The following CYP1B1 variants were observed in gnomAD, a reference collection of about 807,000 sequenced individuals.
CYP1B1 encodes cytochrome P450 family 1 subfamily B member 1, also known as cytochrome P450 1B1.
In CYP1B1, 22 loss-of-function variants were observed where a neutral mutation model predicts 29.9. The observed-to-expected ratio is 0.74, with a 90% confidence interval of 0.53 to 1.05. CYP1B1 has a LOEUF of 1.05. Ranked by LOEUF, CYP1B1 falls within the 50% of genes least tolerant of loss-of-function variation. The pLI is 0.00. For synonymous variants in CYP1B1, 375 were observed against 320.0 expected (o/e 1.17, Z -1.83); for missense variants, 883 against 746.9 (o/e 1.18, Z -2.12).
Position 38,075,539 on chromosome 2 carries a change from C to T in CYP1B1, c.-1-150G>A, listed in dbSNP as rs550478226. The T allele has an allele frequency of 8.0e-6, 6 of 753,344 alleles. No homozygotes were observed. In the Admixed American group the frequency reaches 1.3e-4, roughly 16 times the overall value. The allele number at this position is 753,344 out of a possible 1,614,324, so 46.7% of individuals were successfully genotyped here. On this transcript the variant is annotated intron_variant, in intron 1 of 2. Transcript: ENST00000610745. ...GGAGAAATGGCCGAAGACGCCCCTT[C>T]CCATCCCCAACCCACTCTCCCTTGG...
chr2:38,074,596 T>C lies in CYP1B1; in HGVS notation c.793A>G (p.Asn265Asp), dbSNP rs1301192085. Residue 265 changes from asparagine (N) to aspartate (D), a missense_variant, in exon 2 of 3, where the codon AAC becomes GAC. Asn to Asp is a conservative substitution (Grantham distance 23). Coordinates refer to ENST00000610745, the MANE Select transcript of CYP1B1 (RefSeq NM_000104.4). ...RTVFREFEQLNRNFSNFILDK... is the reference protein window; with the variant it reads ...RTVFREFEQLDRNFSNFILDK... ...AGGATGAAGTTGCTGAAGTTGCGGTTGAGCTGCTCGAATTCGCGGAAAACG... is the reference window on the plus strand; with the variant it reads ...AGGATGAAGTTGCTGAAGTTGCGGTCGAGCTGCTCGAATTCGCGGAAAACG... 9.9e-6 allele frequency: 16 copies of C among 1,613,046 alleles called. No individual in the cohort carries two copies. The highest frequency in any genetic ancestry group is 1.3e-5 in the African/African-American group (1 of 74,948).
Position 38,070,594 on chromosome 2 carries a change from G to C in CYP1B1, c.*128C>G. On this transcript the variant is annotated 3_prime_UTR_variant, in exon 3 of 3. Coordinates refer to ENST00000610745, the MANE Select transcript of CYP1B1 (RefSeq NM_000104.4). ...TGGAGCACACCTCACCTGATGGACA[G>C]TTGATTTATGCTCACCTTAAACGCT... The C allele has an allele frequency of 7.0e-6, 6 of 855,566 alleles. No homozygotes were observed. The Admixed American group carries it at 1.2e-4, about 17-fold the overall frequency. The allele number at this position is 855,566 out of a possible 1,614,324, so 53.0% of individuals were successfully genotyped here.
intron 1 of CYP1B1, 172 bp from the exon 2 acceptor site, chr2:38,075,561 T>C (rs1478061405): frequency 1.5e-5 from 10 of 665,480 alleles, no homozygotes; most frequent in Admixed American, 5.0e-5. Context: ...CCACTCTCCC[T>C]TGGAGAAGAG....
Position 38,070,445 on chromosome 2 carries a change from A to G in CYP1B1, c.*277T>C. On this transcript the variant is annotated 3_prime_UTR_variant, in exon 3 of 3. Coordinates refer to ENST00000610745, the MANE Select transcript of CYP1B1 (RefSeq NM_000104.4). Reference sequence around the variant, plus strand: ...GTGCATTTTAACTCCAAAGAATGCTACCTTCAGAAATAACCAAGATGCAGT... The same window carrying G: ...GTGCATTTTAACTCCAAAGAATGCTGCCTTCAGAAATAACCAAGATGCAGT... The G allele has an allele frequency of 4.1e-6, 2 of 485,104 alleles. No individual in the cohort carries two copies. Among genetic ancestry groups the G allele is most frequent in the Non-Finnish European group, 7.5e-6 (2 of 267,954 alleles). The allele number at this position is 485,104 out of a possible 1,614,324, so 30.0% of individuals were successfully genotyped here. A position where few individuals can be genotyped will look rare whatever the true frequency, so the allele number is the denominator to read the frequency against.
At chr2:38,074,223 G>A in intron 2 of CYP1B1, 123 bp downstream of exon 2, 1 of 1,089,404 alleles carries the variant, frequency 9.2e-7, no homozygotes, top group Non-Finnish European at 1.3e-6. Flanking sequence ...TTGGTTTTGA[G>A]GGGTGGGGAC....
rs117346328 is a variant in CYP1B1 at position 38,070,616 on chromosome 2, C to T, written c.*106G>A. On this transcript the variant is annotated 3_prime_UTR_variant, in exon 3 of 3. Transcript: ENST00000610745. ...ACAGTTGATTTATGCTCACCTTAAACGCTAATTGAGAAGCAGCACAAAAGA... is the reference window on the plus strand; with the variant it reads ...ACAGTTGATTTATGCTCACCTTAAATGCTAATTGAGAAGCAGCACAAAAGA... 6.0e-5 allele frequency: 60 copies of T among 1,003,324 alleles called. No homozygotes were observed. The highest frequency in any genetic ancestry group is 5.0e-4 in the East Asian group (20 of 40,206). The allele number at this position is 1,003,324 out of a possible 1,614,324, so 62.2% of individuals were successfully genotyped here.
intron 1 of CYP1B1, 156 bp from the exon 2 acceptor site, chr2:38,075,545 C>A: frequency 2.8e-6 from 2 of 717,402 alleles, no homozygotes; most frequent in South Asian, 1.7e-5. Context: ...CCTTCCCATC[C>A]CCAACCCACT....
At chr2:38,072,354 C>T (rs1407382114) in intron 2 of CYP1B1, among the ~76,000 whole-genome samples, 64 of 151,990 alleles carry the variant, frequency 4.2e-4, no homozygotes, top group Admixed American at 4.2e-3. Flanking sequence ...GAGACCCTGT[C>T]TCTAAGGTAA....
In CYP1B1 at chr2:38,075,202, C is replaced by G. The variant is rs748386900; in HGVS notation, c.187G>C (p.Ala63Pro). 1.9e-6 allele frequency: 3 copies of G among 1,576,442 alleles called. No homozygotes were observed. The highest frequency in any genetic ancestry group is 2.3e-5 in the South Asian group (2 of 88,438). The change falls in exon 2 of 3, where the codon GCG becomes CCG. Residue 63 changes from alanine to proline, a missense_variant. Ala to Pro is a conservative substitution (Grantham distance 27). Coordinates refer to ENST00000610745, the MANE Select transcript of CYP1B1 (RefSeq NM_000104.4). ...GPFAWPLIGN[A>P]AAVGQAAHLS... The stretch of plus-strand genomic sequence containing the variant: ...TGAGCCGCCTGGCCCACCGCCGCCG[C>G]GTTTCCGATCAGTGGCCACGCAAAC...
chr2:38,072,037 T>C (rs1246959892), intron 2 of CYP1B1, among the ~76,000 whole-genome samples: 1 of 152,230 alleles, frequency 6.6e-6, no homozygotes, highest in Non-Finnish European at 1.5e-5. Context: ...TGGTACAAAC[T>C]GTAGTACTTA....
rs66583685 is a variant in CYP1B1, at chr2:38,074,356, G to C, written c.1033C>G (p.Leu345Val). The change falls in exon 2 of 3, where the codon CTC becomes GTC. Residue 345 changes from leucine (L) to valine (V), a missense_variant. Transcript: ENST00000610745. ...TCCCAGAGGCTTTACCTGGTGAAGA[G>C]GAGGAGCAGCCACTGCAGCGCGGTG... ...LSTALQWLLLLFTRYPDVQTR... is the reference protein window; with the variant it reads ...LSTALQWLLLVFTRYPDVQTR... 6.2e-7 allele frequency: 1 copy of C among 1,613,252 alleles called. No homozygotes were observed. Among genetic ancestry groups the C allele is most frequent in the Non-Finnish European group, 8.5e-7 (1 of 1,179,956 alleles).
Position 38,074,712 on chromosome 2 carries a change from C to T in CYP1B1, c.677G>A (p.Ser226Asn), listed in dbSNP as rs1682494923. The T allele has an allele frequency of 1.2e-6, 2 of 1,611,132 alleles. No homozygotes were observed. The highest frequency in any genetic ancestry group is 2.7e-5 in the African/African-American group (2 of 74,924). Residue 226 changes from serine (S) to asparagine (N), a missense_variant, in exon 2 of 3, where the codon AGC becomes AAC. Transcript: ENST00000610745. ...CGTGCGCCCGAACTCTTCGTTGTGG[C>T]TGAGCAGCTCACGGAACTCGGGGTC... The part of the protein sequence containing the change: ...HDDPEFRELL[S>N]HNEEFGRTVG...
At position 38,075,002 on chromosome 2, in the gene CYP1B1, G is replaced by A; in HGVS notation, c.387C>T (p.Gly129=). The A allele has an allele frequency of 1.3e-6, 2 of 1,589,746 alleles. No homozygotes were observed. The highest frequency in any genetic ancestry group is 8.5e-7 in the Non-Finnish European group (1 of 1,176,042). Reference sequence around the variant, plus strand: ...AGTAGTGGCCGAAAGCCATGCTGCGGCCGCCGGACACCACACGGAAGGAGG... The same window carrying A: ...AGTAGTGGCCGAAAGCCATGCTGCGACCGCCGGACACCACACGGAAGGAGG... ...AFASFRVVSG[G]RSMAFGHYSE... is the part of the protein sequence containing the mutation. The change falls in exon 2 of 3, where the codon GGC becomes GGT. Residue 129 remains glycine (G), a synonymous_variant. Transcript: ENST00000610745.
In CYP1B1 at chr2:38,071,133, G is replaced by A. The variant is rs1344344774; in HGVS notation, c.1221C>T (p.Thr407=). Reference sequence around the variant, plus strand: ...TGGGAATGTGGTAGCCCAAGACAGAGGTGTTGGCAGTGGTGGCATGAGGAA... The same window carrying A: ...TGGGAATGTGGTAGCCCAAGACAGAAGTGTTGGCAGTGGTGGCATGAGGAA... ...VTIPHATTAN[T]SVLGYHIPKD... is the part of the protein sequence containing the mutation. The change falls in exon 3 of 3, where the codon ACC becomes ACT. Residue 407 remains threonine, a synonymous_variant. Coordinates refer to ENST00000610745, the MANE Select transcript of CYP1B1 (RefSeq NM_000104.4). 5 of 1,613,852 alleles carry A rather than the reference G, an allele frequency of 3.1e-6. No homozygotes were observed. Among genetic ancestry groups the A allele is most frequent in the Non-Finnish European group, 1.7e-6 (2 of 1,179,754 alleles).
rs372321135 is a variant in CYP1B1, at chr2:38,074,472, C to A, written c.917G>T (p.Gly306Val). 1 of 1,612,822 alleles carries A rather than the reference C, an allele frequency of 6.2e-7. No individual in the cohort carries two copies. The highest frequency in any genetic ancestry group is 8.5e-7 in the Non-Finnish European group (1 of 1,179,672). Residue 306 changes from glycine to valine, a missense_variant, in exon 2 of 3, where the codon GGG becomes GTG. Physicochemically the swap from Gly to Val is moderately radical, Grantham distance 109. Transcript: ENST00000610745. The stretch of plus-strand genomic sequence containing the variant: ...CCGCGCGCCACCACCGTGCGAGTCC[C>A]CGGCCGCCTTCTTTTCCGCAGAGAG... Reference protein sequence around the residue: ...FILSAEKKAAGDSHGGGARLD... With the variant: ...FILSAEKKAAVDSHGGGARLD...
chr2:38,070,706 G>C lies in CYP1B1; in HGVS notation c.*16C>G, dbSNP rs374781447. The C allele has an allele frequency of 5.6e-6, 9 of 1,607,310 alleles. No individual in the cohort carries two copies. In the Admixed American group the frequency reaches 6.7e-5, roughly 12 times the overall value. On this transcript the variant is annotated 3_prime_UTR_variant, in exon 3 of 3. Coordinates refer to ENST00000610745, the MANE Select transcript of CYP1B1 (RefSeq NM_000104.4). ...AGATGTGAATATTTCTAAAATTTCA[G>C]CTTGCCTCTTGCTTCTTATTGGCAA...
rs763552906 is a variant in CYP1B1 at position 38,074,827 on chromosome 2, C to G, written c.562G>C (p.Gly188Arg). ...VALLVRGSAD[G>R]AFLDPRPLTV... ...AGCGGCCTCGGGTCGAGGAAGGCGCCGTCCGCGCTGCCGCGCACCAGCAGC... is the reference window on the plus strand; with the variant it reads ...AGCGGCCTCGGGTCGAGGAAGGCGCGGTCCGCGCTGCCGCGCACCAGCAGC... Residue 188 changes from glycine (G) to arginine (R), a missense_variant, in exon 2 of 3, where the codon GGC (glycine) becomes CGC (arginine). By Grantham distance (125) the Gly-to-Arg change is moderately radical. Transcript: ENST00000610745. 1.3e-5 allele frequency: 20 copies of G among 1,567,174 alleles called. No individual in the cohort carries two copies. The highest frequency in any genetic ancestry group is 5.6e-5 in the Admixed American group (3 of 53,582).
chr2:38,072,689 G>A (rs1200110511), intron 2 of CYP1B1, among the ~76,000 whole-genome samples: 1 of 152,192 alleles, frequency 6.6e-6, no homozygotes, highest in Non-Finnish European at 1.5e-5. Flanking sequence ...ATAGAAACAT[G>A]TATGGTGGGG....
chr2:38,074,528 G>C lies in CYP1B1; in HGVS notation c.861C>G (p.Ala287=). Residue 287 remains alanine (A), a synonymous_variant, in exon 2 of 3, where the codon GCC becomes GCG. Coordinates refer to ENST00000610745, the MANE Select transcript of CYP1B1 (RefSeq NM_000104.4). ...AGGCGTCCATCATGTCGCGGGGGGC[G>C]GCCCCGGGCCGAAGGCTTTCGCAGT... ...LRHCESLRPG[A]APRDMMDAFI... 6.2e-7 allele frequency: 1 copy of C among 1,607,772 alleles called. No individual in the cohort carries two copies. The highest frequency in any genetic ancestry group is 1.3e-5 in the African/African-American group (1 of 75,002).
Sources: allele counts gnomAD v4.1 joint callset (sites outside exome capture counted in the v4.1 genomes callset), GRCh38; gene constraint gnomAD v4.1.1; transcripts MANE v1.5; gene names NCBI Gene and HGNC (gene_info 2026-07-23, HGNC 2026-07-21).